STK10: variants seen among roughly 807,000 people sequenced by gnomAD.
STK10 encodes the protein serine/threonine-protein kinase 10.
A neutral mutation model predicts 113.8 loss-of-function variants in STK10; 78 were observed. The observed-to-expected ratio is 0.69, with a 90% CI of 0.57 to 0.83. The LOEUF (loss-of-function observed/expected upper bound fraction) is 0.83. STK10 is among the 40% of genes least tolerant of loss of function. The pLI, the probability that STK10 is intolerant of heterozygous loss-of-function variation, is 0.00. For missense variants in STK10, 1,109 were observed against 1,280.1 expected (o/e 0.87, Z 2.04); for synonymous variants, 465 against 494.7 (o/e 0.94, Z 0.80).
intron 12 of STK10, among the ~76,000 whole-genome samples, chr5:172,070,173 G>A (rs1015704034): frequency 4.0e-4 from 61 of 151,934 alleles, no homozygotes; most frequent in African/African-American, 1.3e-3. Flanking sequence ...ACTTGAACCC[G>A]GGAGGCAGAG....
chr5:172,103,410 G>A (rs1030946147), intron 7 of STK10, among the ~76,000 whole-genome samples: 2 of 152,188 alleles, frequency 1.3e-5, no homozygotes, highest in Non-Finnish European at 2.9e-5. Flanking sequence ...TTCCAAGTAT[G>A]GAGCGGAAAT....
intron 2 of STK10, among the ~76,000 whole-genome samples, chr5:172,154,782 T>C (rs1385130132): frequency 6.6e-6 from 1 of 152,250 alleles, no homozygotes; most frequent in Non-Finnish European, 1.5e-5. Context: ...ACTTGCTAGC[T>C]GTGTGGCCTG....
chr5:172,084,493 G>A (rs1768508432), intron 10 of STK10, among the ~76,000 whole-genome samples: 1 of 151,920 alleles, frequency 6.6e-6, no homozygotes, highest in African/African-American at 2.4e-5. Flanking sequence ...GAATAGGTCT[G>A]TTATGCCACC....
At position 172,106,924 on chromosome 5, in the gene STK10, C is replaced by G; in HGVS notation, c.594-110G>C. On this transcript the variant is annotated intron_variant, in intron 5 of 18. Coordinates refer to ENST00000176763, the MANE Select transcript of STK10 (RefSeq NM_005990.4). ...AGCCACTGTCGGGGTTGGCAGCACT[C>G]CCGAATCATGATCTGCGTGACTTTG... 4.6e-6 allele frequency: 5 copies of G among 1,091,428 alleles called. No homozygotes were observed. The South Asian group carries it at 6.2e-5, about 14-fold the overall frequency. 67.6% of individuals were successfully genotyped at this position (1,091,428 alleles called of 1,614,324 possible).
At chr5:172,122,314 T>C (rs1769528375) in intron 3 of STK10, among the ~76,000 whole-genome samples, 1 of 152,170 alleles carries the variant, frequency 6.6e-6, no homozygotes, top group Non-Finnish European at 1.5e-5. Context: ...CCATCCACCA[T>C]CCTCCAAGAT....
intron 2 of STK10, among the ~76,000 whole-genome samples, chr5:172,140,729 T>C (rs949895249): frequency 6.6e-6 from 1 of 151,816 alleles, no homozygotes; most frequent in Admixed American, 6.6e-5. Context: ...AAAATAAAAA[T>C]AGAACTACTA....
At chr5:172,086,291 G>C (rs1173176718) in intron 10 of STK10, among the ~76,000 whole-genome samples, 3 of 152,178 alleles carry the variant, frequency 2.0e-5, no homozygotes, top group African/African-American at 7.2e-5. Context: ...AGCCACAGAG[G>C]GAAGACTGTC....
intron 16 of STK10, among the ~76,000 whole-genome samples, chr5:172,055,231 G>A (rs1413116554): frequency 2.0e-5 from 3 of 151,926 alleles, no homozygotes; most frequent in Non-Finnish European, 4.4e-5. Context: ...ATGGAGTCTC[G>A]CTCTGTTGCC....
In STK10 at chr5:172,093,413, T is replaced by G; in HGVS notation, c.1553A>C (p.Lys518Thr). The G allele has an allele frequency of 6.3e-7, 1 of 1,590,666 alleles. No individual in the cohort carries two copies. The highest frequency in any genetic ancestry group is 8.6e-7 in the Non-Finnish European group (1 of 1,162,608). The change falls in exon 9 of 19, where the codon AAG becomes ACG. Residue 518 changes from lysine (K) to threonine (T), a missense_variant and splice_region_variant. Transcript: ENST00000176763. The surrounding 1 kb of genome is among the most constrained non-coding windows in gnomAD (Gnocchi z 4.1). ...LNKEMGSLSI[K>T]DPKLYKKTLK... ...CCGTGGTGGCAGAGGCGGTGTTACCTTGATGGACAGAGAGCCCATCTCTTT... is the reference window on the plus strand; with the variant it reads ...CCGTGGTGGCAGAGGCGGTGTTACCGTGATGGACAGAGAGCCCATCTCTTT...
intron 7 of STK10, among the ~76,000 whole-genome samples, chr5:172,098,882 T>A (rs910691661): frequency 3.3e-5 from 5 of 151,662 alleles, no homozygotes; most frequent in African/African-American, 1.2e-4. Context: ...ACCACCATCA[T>A]CACCTTCACC....
At chr5:172,169,365 C>T (rs140920073) in intron 1 of STK10, among the ~76,000 whole-genome samples, 7 of 151,984 alleles carry the variant, frequency 4.6e-5, no homozygotes, top group South Asian at 2.1e-4. Context: ...TGGGAGTGAA[C>T]GGGAAGATAG....
At chr5:172,068,987 A>C (rs1050122337) in intron 12 of STK10, among the ~76,000 whole-genome samples, 1 of 152,158 alleles carries the variant, frequency 6.6e-6, no homozygotes, top group African/African-American at 2.4e-5. Context: ...AAAGAATTAC[A>C]ATATCAACTC....
chr5:172,090,675 G>C (rs982957482), intron 9 of STK10, among the ~76,000 whole-genome samples: 2 of 151,908 alleles, frequency 1.3e-5, no homozygotes, highest in Admixed American at 1.3e-4. Flanking sequence ...GGTGGCTTAC[G>C]CTTGTAATCC....
At chr5:172,064,890 C>A in intron 12 of STK10, 78 bp from the exon 13 acceptor site, 1 of 1,512,274 alleles carries the variant, frequency 6.6e-7, no homozygotes, top group Non-Finnish European at 9.1e-7. Context: ...AACGCAGAAC[C>A]CCCGGGCCAG....
chr5:172,088,710 T>C (rs896912900), intron 10 of STK10, among the ~76,000 whole-genome samples: 4 of 152,082 alleles, frequency 2.6e-5, no homozygotes, highest in Non-Finnish European at 5.9e-5. Context: ...GCCAGCTACA[T>C]GGTCCAGTGA....
intron 1 of STK10, among the ~76,000 whole-genome samples, chr5:172,165,010 T>C (rs1434150031): frequency 6.6e-6 from 1 of 152,168 alleles, no homozygotes; most frequent in Non-Finnish European, 1.5e-5. Flanking sequence ...CTCCCCCTTG[T>C]ACCCGCAAGG....
chr5:172,081,905 G>A (rs1043154247), intron 12 of STK10, among the ~76,000 whole-genome samples: 1 of 152,130 alleles, frequency 6.6e-6, no homozygotes, highest in Non-Finnish European at 1.5e-5. Flanking sequence ...TTCCAACATG[G>A]GGAGGAGGAG....
intron 16 of STK10, among the ~76,000 whole-genome samples, chr5:172,055,115 A>G (rs1043390416): frequency 1.3e-5 from 2 of 152,178 alleles, no homozygotes; most frequent in African/African-American, 4.8e-5. Context: ...TGAATTCACC[A>G]TGAGGCTGAT....
At chr5:172,121,300 G>C (rs1769504935) in intron 3 of STK10, among the ~76,000 whole-genome samples, 2 of 151,790 alleles carry the variant, frequency 1.3e-5, no homozygotes, top group Admixed American at 1.3e-4. Context: ...CAAAGTGCTG[G>C]GATTATATGC....
Sources: gnomAD v4.1 joint callset for allele counts (sites outside exome capture counted in the v4.1 genomes callset) on GRCh38, gnomAD v4.1.1 for gene constraint, Gnocchi (gnomAD v3.1) non-coding constraint, MANE v1.5 for transcripts, NCBI Gene and HGNC (gene_info 2026-07-23, HGNC 2026-07-21) for gene names.